Variants in RUBCNL observed in about 807,000 individuals in gnomAD.
The protein encoded by RUBCNL is rubicon like autophagy enhancer.
Under a neutral mutation model 69.5 loss-of-function variants are expected in RUBCNL, and 62 were observed. That is an observed-to-expected ratio of 0.89 (90% confidence interval 0.73 to 1.10). The LOEUF (loss-of-function observed/expected upper bound fraction) is 1.10. Ranked by LOEUF, RUBCNL falls within the 50% of genes least tolerant of loss-of-function variation. The pLI, the probability that RUBCNL is intolerant of heterozygous loss-of-function variation, is 0.00. For synonymous variants in RUBCNL, 291 were observed against 303.6 expected (o/e 0.96, Z 0.43); for missense variants, 768 against 798.1 (o/e 0.96, Z 0.45).
intron 12 of RUBCNL, among the ~76,000 whole-genome samples, chr13:46,348,454 G>A (rs573733569): frequency 2.6e-4 from 39 of 152,202 alleles, no homozygotes; most frequent in African/African-American, 9.2e-4. Context: ...CCATTATACG[G>A]TTAGGCTGTG....
At position 46,372,305 on chromosome 13, in the gene RUBCNL, C is replaced by T. The variant is rs755204869; in HGVS notation, c.171G>A (p.Gln57=). The T allele has an allele frequency of 1.6e-5, 26 of 1,613,894 alleles. No homozygotes were observed. The highest frequency in any genetic ancestry group is 8.5e-7 in the Non-Finnish European group (1 of 1,179,902). ...MRHKAVWINP[Q]DVQQQPQDLQ... is the part of the protein sequence containing the mutation. ...AGTCCTGCGGCTGTTGCTGCACATC[C>T]TGGGGGTTAATCCAGACAGCTTTGT... The change falls in exon 3 of 15, where the codon CAG becomes CAA. Residue 57 remains glutamine (Q), a synonymous_variant. Coordinates refer to ENST00000429979, the MANE Select transcript of RUBCNL (RefSeq NM_025113.5).
intron 10 of RUBCNL, among the ~76,000 whole-genome samples, chr13:46,355,829 G>C (rs145608778): frequency 6.6e-6 from 1 of 152,198 alleles, no homozygotes; most frequent in Non-Finnish European, 1.5e-5. Flanking sequence ...TAGTGTTGAA[G>C]ACAGATAATA....
chr13:46,362,963 T>G (rs1477469468), intron 6 of RUBCNL, among the ~76,000 whole-genome samples, 152 bp downstream of exon 6: 1 of 98,708 alleles, frequency 1.0e-5, no homozygotes, highest in South Asian at 3.0e-4. Context: ...TATATATATA[T>G]ATATATATAT....
At chr13:46,344,264 C>T (rs934375608) in intron 14 of RUBCNL, among the ~76,000 whole-genome samples, 2 of 152,198 alleles carry the variant, frequency 1.3e-5, no homozygotes, top group Non-Finnish European at 2.9e-5. Context: ...ACAGAGTTTA[C>T]AGAACACGGG....
At chr13:46,387,886 A>G, upstream of RUBCNL, 1 of 979,626 alleles carries the variant, frequency 1.0e-6, no homozygotes, top group Non-Finnish European at 1.2e-6. Flanking sequence ...GAACCTGCCA[A>G]CCAATACAGA....
chr13:46,389,570 G>A (rs2049311143), upstream of RUBCNL, among the ~76,000 whole-genome samples: 1 of 152,200 alleles, frequency 6.6e-6, no homozygotes, highest in Admixed American at 6.5e-5. This position sits in a 1 kb window ranked among gnomAD's most constrained non-coding sequence, Gnocchi z 4.2. Flanking sequence ...CCAAGATTGT[G>A]GGCTTTAGTC....
At chr13:46,362,953 T>TATATATATATATATAG (rs2048659207) in intron 6 of RUBCNL, among the ~76,000 whole-genome samples, 162 bp downstream of exon 6, 1 of 68,194 alleles carries the variant, frequency 1.5e-5, no homozygotes, top group Non-Finnish European at 2.7e-5. Context: ...TATATATATA[T>TATATATATATATATAG]ATATATATAT....
intron 1 of RUBCNL, among the ~76,000 whole-genome samples, chr13:46,386,301 A>G (rs2049242910): frequency 6.6e-6 from 1 of 152,254 alleles, no homozygotes; most frequent in African/African-American, 2.4e-5. Context: ...AACTGGGTCT[A>G]AGAAACTCAA....
At chr13:46,350,570 C>G (rs1179815314) in intron 10 of RUBCNL, 3 of 431,294 alleles carry the variant, frequency 7.0e-6, no homozygotes, top group Non-Finnish European at 1.2e-5. Context: ...GAACAGACGT[C>G]AGAAAAACAA....
chr13:46,355,780 A>G (rs1352679811), intron 10 of RUBCNL, among the ~76,000 whole-genome samples: 1 of 152,238 alleles, frequency 6.6e-6, no homozygotes, highest in Non-Finnish European at 1.5e-5. Flanking sequence ...AGTAATAAAT[A>G]CAACAGACAA....
In RUBCNL at chr13:46,342,074, A is replaced by T. The variant is rs1030975134; in HGVS notation, c.*1311T>A. ...ACTTAGAAAAGATCTGGCTTAAATAATGGATGTGAGCACAGTTCTGGCAGA... is the reference window on the plus strand; with the variant it reads ...ACTTAGAAAAGATCTGGCTTAAATATTGGATGTGAGCACAGTTCTGGCAGA... On this transcript the variant is annotated 3_prime_UTR_variant, in exon 15 of 15. Coordinates refer to ENST00000429979, the MANE Select transcript of RUBCNL (RefSeq NM_025113.5). The T allele has an allele frequency of 2.6e-5, 4 of 152,256 alleles. No homozygotes were observed. The highest frequency in any genetic ancestry group is 2.9e-5 in the Non-Finnish European group (2 of 68,048). 9.4% of individuals were successfully genotyped at this position (152,256 alleles called of 1,614,324 possible). A position where few individuals can be genotyped will look rare whatever the true frequency, so the allele number is the denominator to read the frequency against.
chr13:46,375,331 G>C (rs566659465), intron 2 of RUBCNL, among the ~76,000 whole-genome samples: 1 of 152,160 alleles, frequency 6.6e-6, no homozygotes, highest in African/African-American at 2.4e-5. Flanking sequence ...TCAGGAGTTC[G>C]AGACCAGCCT....
intron 12 of RUBCNL, among the ~76,000 whole-genome samples, chr13:46,347,042 C>G (rs2048260622): frequency 6.6e-6 from 1 of 152,208 alleles, no homozygotes; most frequent in East Asian, 1.9e-4. Flanking sequence ...ACAGGTATAT[C>G]GCAGGACACT....
At position 46,343,152 on chromosome 13, in the gene RUBCNL, C is replaced by A; in HGVS notation, c.*233G>T. The A allele has an allele frequency of 3.2e-6, 2 of 634,916 alleles. No individual in the cohort carries two copies. The highest frequency in any genetic ancestry group is 1.8e-5 in the African/African-American group (1 of 54,292). The allele number at this position is 634,916 out of a possible 1,614,324, so 39.3% of individuals were successfully genotyped here. ...AGTATAAAAAACCTCTTTAAAAAACCAATAGCAGCCAAAACAGAACATTTG... is the reference window on the plus strand; with the variant it reads ...AGTATAAAAAACCTCTTTAAAAAACAAATAGCAGCCAAAACAGAACATTTG... On this transcript the variant is annotated 3_prime_UTR_variant, in exon 15 of 15. Coordinates refer to ENST00000429979, the MANE Select transcript of RUBCNL (RefSeq NM_025113.5).
intron 9 of RUBCNL, among the ~76,000 whole-genome samples, chr13:46,357,867 T>C (rs2048525171): frequency 6.6e-6 from 1 of 152,146 alleles, no homozygotes; most frequent in Admixed American, 6.5e-5. Context: ...TGACCTCAGG[T>C]GATCCCGCCC....
intron 3 of RUBCNL, among the ~76,000 whole-genome samples, chr13:46,370,463 C>T (rs61948085): frequency 0.092 from 14,032 of 152,230 alleles, 878 homozygotes; most frequent in Non-Finnish European, 0.14. Flanking sequence ...TTGCTGCCTC[C>T]GCACCAGAGA....
chr13:46,336,711 T>C lies in RUBCNL; in HGVS notation c.*6674A>G, dbSNP rs987850270. ...ACCTTGACGGTTTGGGTAGAATGGTTGAGATGGAAATGCTATTGTTGTAGG... is the reference window on the plus strand; with the variant it reads ...ACCTTGACGGTTTGGGTAGAATGGTCGAGATGGAAATGCTATTGTTGTAGG... On this transcript the variant is annotated 3_prime_UTR_variant, in exon 15 of 15. Transcript: ENST00000429979. Among the ~76,000 whole-genome samples the C allele has an allele frequency of 9.9e-5, 15 of 152,210 alleles. No individual in the cohort carries two copies. The highest frequency in any genetic ancestry group is 3.6e-4 in the African/African-American group (15 of 41,542).
intron 1 of RUBCNL, among the ~76,000 whole-genome samples, chr13:46,381,567 T>C (rs2049116916): frequency 6.6e-6 from 1 of 152,188 alleles, no homozygotes; most frequent in Admixed American, 6.5e-5. Context: ...CACTGACTTG[T>C]ACACTTTTTT....
chr13:46,350,916 G>A (rs1348029829), intron 10 of RUBCNL: 1 of 151,858 alleles, frequency 6.6e-6, no homozygotes, highest in African/African-American at 2.4e-5. Context: ...ACGGAAAGAA[G>A]AAATGCAGAT....
Sources: gnomAD v4.1 joint callset for allele counts (sites outside exome capture counted in the v4.1 genomes callset) on GRCh38, gnomAD v4.1.1 for gene constraint, Gnocchi (gnomAD v3.1) non-coding constraint, MANE v1.5 for transcripts, NCBI Gene and HGNC (gene_info 2026-07-23, HGNC 2026-07-21) for gene names.